Variants in WDR7 observed in about 807,000 individuals in gnomAD.
WDR7 encodes the protein WD repeat domain 7, also known as WD repeat-containing protein 7.
A neutral mutation model predicts 169.4 loss-of-function variants in WDR7; 46 were observed. The ratio of observed to expected loss-of-function variants is 0.27; its 90% CI spans 0.21 to 0.35. WDR7 has a LOEUF of 0.35. Ranked by LOEUF, WDR7 falls within the 10% of genes least tolerant of loss-of-function variation. WDR7 has a pLI of 1.00. For synonymous variants in WDR7, 612 were observed against 666.8 expected (o/e 0.92, Z 1.27); for missense variants, 1,534 against 1,859.3 (o/e 0.83, Z 3.22).
chr18:56,994,442 A>G (rs1276045048), intron 26 of WDR7, among the ~76,000 whole-genome samples: 2 of 152,046 alleles, frequency 1.3e-5, no homozygotes, highest in Non-Finnish European at 2.9e-5. Flanking sequence ...AGCATTTCTG[A>G]GTTACTTGTT....
chr18:56,850,257 T>A (rs1311615028), intron 20 of WDR7, among the ~76,000 whole-genome samples: 4 of 152,226 alleles, frequency 2.6e-5, no homozygotes, highest in African/African-American at 7.2e-5. Context: ...AAATTATTTT[T>A]TTTATTTATT....
intron 21 of WDR7, among the ~76,000 whole-genome samples, chr18:56,900,622 A>G (rs1203901765): frequency 6.6e-6 from 1 of 152,194 alleles, no homozygotes; most frequent in Non-Finnish European, 1.5e-5. Context: ...CAAGGCTAAG[A>G]TTAGACTTCT....
intron 20 of WDR7, among the ~76,000 whole-genome samples, chr18:56,851,790 A>G (rs182870891): frequency 1.1e-4 from 17 of 152,334 alleles, no homozygotes; most frequent in African/African-American, 4.1e-4. Context: ...CTTTTGGTAC[A>G]GTATTAAAGT....
chr18:56,718,003 C>A lies in WDR7; in HGVS notation c.1618C>A (p.His540Asn). ...QHCICSVASD[H>N]SVGLLSLREK... ...CTGCATCTGCTCTGTAGCCAGTGACCACTCAGTAGGACTTCTAAGTTTGCG... is the reference window on the plus strand; with the variant it reads ...CTGCATCTGCTCTGTAGCCAGTGACAACTCAGTAGGACTTCTAAGTTTGCG... Residue 540 changes from histidine to asparagine, a missense_variant, in exon 13 of 28, where the codon CAC becomes AAC. Coordinates refer to ENST00000254442, the MANE Select transcript of WDR7 (RefSeq NM_015285.3). 6.2e-7 allele frequency: 1 copy of A among 1,613,944 alleles called. No individual in the cohort carries two copies. The highest frequency in any genetic ancestry group is 8.5e-7 in the Non-Finnish European group (1 of 1,179,914).
Position 56,860,934 on chromosome 18 carries a change from C to T in WDR7, c.3305-19010C>T, listed in dbSNP as rs529372153. Reference sequence around the variant, plus strand: ...TATCATATAATACATGAAAATATTACATAGTAAAAAGTGTATCTTTTAAAA... The same window carrying T: ...TATCATATAATACATGAAAATATTATATAGTAAAAAGTGTATCTTTTAAAA... On this transcript the variant is annotated intron_variant, in intron 20 of 27. Coordinates refer to ENST00000254442, the MANE Select transcript of WDR7 (RefSeq NM_015285.3). 3.3e-5 allele frequency among the ~76,000 whole-genome samples: 5 copies of T among 151,676 alleles called. No homozygotes were observed. In the East Asian group the frequency reaches 7.8e-4, roughly 24 times the overall value.
At chr18:56,715,088 C>A (rs2026163336) in intron 12 of WDR7, among the ~76,000 whole-genome samples, 1 of 152,054 alleles carries the variant, frequency 6.6e-6, no homozygotes, top group Admixed American at 6.5e-5. Flanking sequence ...GGTGAAAGTT[C>A]TGACAGGGAA....
intron 22 of WDR7, among the ~76,000 whole-genome samples, chr18:56,934,268 A>G (rs1417587189): frequency 6.6e-6 from 1 of 152,134 alleles, no homozygotes; most frequent in African/African-American, 2.4e-5. Context: ...TCACACAGTA[A>G]ACATTTCTTT....
At chr18:56,691,125 T>C (rs2025559070) in intron 7 of WDR7, 91 bp from the exon 8 acceptor site, 1 of 1,520,792 alleles carries the variant, frequency 6.6e-7, no homozygotes, top group Admixed American at 2.4e-5. Flanking sequence ...CTAAATACAT[T>C]TCCAGGCTTT....
intron 19 of WDR7, among the ~76,000 whole-genome samples, chr18:56,783,183 TAGACATATAGACTCTA>T (rs2044346162): frequency 6.6e-6 from 1 of 150,772 alleles, no homozygotes; most frequent in Non-Finnish European, 1.5e-5. Context: ...ACAAGGCATC[TAGACATATAGACTCTA>T]AGTTATTAGG....
intron 21 of WDR7, among the ~76,000 whole-genome samples, chr18:56,884,501 A>G (rs1348511195): frequency 1.3e-5 from 2 of 152,064 alleles, no homozygotes; most frequent in African/African-American, 2.4e-5. Context: ...AAGCTTTTTC[A>G]TTTAATTAAC....
At position 56,962,534 on chromosome 18, in the gene WDR7, A is replaced by T; in HGVS notation, c.4164+5A>T. On this transcript the variant is annotated splice_donor_5th_base_variant and intron_variant, in intron 26 of 27. Coordinates refer to ENST00000254442, the MANE Select transcript of WDR7 (RefSeq NM_015285.3). ...ATCCGGACTGGAAAATGTCAGGTAAATAAATCATTGTGACTTCCTCTCCAT... is the reference window on the plus strand; with the variant it reads ...ATCCGGACTGGAAAATGTCAGGTAATTAAATCATTGTGACTTCCTCTCCAT... The T allele has an allele frequency of 6.2e-7, 1 of 1,612,340 alleles. No homozygotes were observed. Among genetic ancestry groups the T allele is most frequent in the Non-Finnish European group, 8.5e-7 (1 of 1,178,810 alleles).
In WDR7 at chr18:56,819,600, C is replaced by G. The variant is rs946420803; in HGVS notation, c.3304+3456C>G. Among the ~76,000 whole-genome samples the G allele has an allele frequency of 2.0e-5, 3 of 152,202 alleles. No individual in the cohort carries two copies. In the East Asian group the frequency reaches 5.8e-4, roughly 29 times the overall value. Reference sequence around the variant, plus strand: ...TGTTTTAAGTAGAAAAATATTAAAACCTATTTCATATTAAAACCTATTCAA... The same window carrying G: ...TGTTTTAAGTAGAAAAATATTAAAAGCTATTTCATATTAAAACCTATTCAA... On this transcript the variant is annotated intron_variant, in intron 20 of 27. Coordinates refer to ENST00000254442, the MANE Select transcript of WDR7 (RefSeq NM_015285.3).
chr18:56,696,237 C>G lies in WDR7; in HGVS notation c.1358-5C>G. 6.3e-7 allele frequency: 1 copy of G among 1,595,258 alleles called. No individual in the cohort carries two copies. Among genetic ancestry groups the G allele is most frequent in the Non-Finnish European group, 8.5e-7 (1 of 1,170,098 alleles). On this transcript the variant is annotated splice_region_variant and splice_polypyrimidine_tract_variant and intron_variant, in intron 11 of 27. Transcript: ENST00000254442. ...CCCATTTTAAATCCAAACCCTCATTCACAGGTTGGCCACCTCACAGAACAC... is the reference window on the plus strand; with the variant it reads ...CCCATTTTAAATCCAAACCCTCATTGACAGGTTGGCCACCTCACAGAACAC...
intron 21 of WDR7, among the ~76,000 whole-genome samples, chr18:56,886,245 A>G (rs943199026): frequency 1.3e-5 from 2 of 152,200 alleles, no homozygotes; most frequent in Non-Finnish European, 2.9e-5. Context: ...CAGGTAACCT[A>G]TAAAGGAAAA....
intron 2 of WDR7, among the ~76,000 whole-genome samples, chr18:56,675,879 G>T (rs1022565152): frequency 1.3e-5 from 2 of 151,800 alleles, no homozygotes; most frequent in Non-Finnish European, 2.9e-5. Flanking sequence ...CCAGGCTGGG[G>T]TGCAATGATA....
intron 20 of WDR7, among the ~76,000 whole-genome samples, chr18:56,855,309 C>T (rs1225463115): frequency 2.6e-5 from 4 of 151,678 alleles, no homozygotes; most frequent in Non-Finnish European, 5.9e-5. Flanking sequence ...AATAGTTTGT[C>T]AGTTATATAT....
intron 26 of WDR7, among the ~76,000 whole-genome samples, chr18:56,983,753 T>C (rs2047677288): frequency 6.6e-6 from 1 of 152,154 alleles, no homozygotes; most frequent in African/African-American, 2.4e-5. Context: ...AATATAGAAC[T>C]GTTATCCTCA....
the WDR7 span, chr18:57,034,943 C>A: frequency 6.6e-6 from 1 of 152,242 alleles, no homozygotes; most frequent in East Asian, 1.9e-4. Flanking sequence ...AATCTTCTGC[C>A]CCAGGGTCAG....
intron 6 of WDR7, 111 bp downstream of exon 6, chr18:56,686,143 A>AT: frequency 1.1e-6 from 1 of 888,252 alleles, no homozygotes; most frequent in Non-Finnish European, 1.7e-6. Flanking sequence ...AAAAGTGATT[A>AT]TTTTTTGATA....
Sources: gnomAD v4.1 joint callset for allele counts (sites outside exome capture counted in the v4.1 genomes callset) on GRCh38, gnomAD v4.1.1 for gene constraint, MANE v1.5 for transcripts, NCBI Gene and HGNC (gene_info 2026-07-23, HGNC 2026-07-21) for gene names.